KDM4C: variants seen among roughly 807,000 people sequenced by gnomAD.
KDM4C encodes lysine-specific demethylase 4C.
Under a neutral mutation model 129.3 loss-of-function variants are expected in KDM4C, and 81 were observed. That is an observed-to-expected ratio of 0.63 (90% confidence interval 0.52 to 0.75). KDM4C has a LOEUF of 0.75. KDM4C is among the 30% of genes least tolerant of loss of function. The probability of loss-of-function intolerance (pLI) is 0.00; values close to 1 mark genes in which losing one functional copy is unlikely to be tolerated. For synonymous variants in KDM4C, 573 were observed against 456.1 expected, an observed-to-expected ratio of 1.26 and a Z score of -3.26; for missense variants, 1,457 against 1,304.0, an observed-to-expected ratio of 1.12 and a Z score of -1.81.
At chr9:7,140,039 AT>A (rs1249971258) in intron 19 of KDM4C, among the ~76,000 whole-genome samples, 1 of 152,242 alleles carries the variant, frequency 6.6e-6, no homozygotes, top group African/African-American at 2.4e-5. Context: ...ATACACTGAC[AT>A]ACTTCTGGGG....
intron 8 of KDM4C, among the ~76,000 whole-genome samples, chr9:6,964,644 T>C (rs1023152135): frequency 4.0e-5 from 6 of 151,412 alleles, no homozygotes; most frequent in African/African-American, 1.2e-4. Flanking sequence ...TAGCCGGGTG[T>C]GGTGGTGGGC....
chr9:7,136,462 TAC>T (rs1841217080), intron 19 of KDM4C, among the ~76,000 whole-genome samples: 1 of 152,228 alleles, frequency 6.6e-6, no homozygotes, highest in Non-Finnish European at 1.5e-5. Flanking sequence ...CATTTGAGGT[TAC>T]AGTTTCTTCA....
chr9:6,826,683 T>C (rs1564102385), intron 4 of KDM4C, among the ~76,000 whole-genome samples: 2 of 152,034 alleles, frequency 1.3e-5, no homozygotes, highest in African/African-American at 4.8e-5. Context: ...CTGGTCAACA[T>C]TGTGAAACCC....
intron 20 of KDM4C, 78 bp downstream of exon 20, chr9:7,165,435 C>A: frequency 6.7e-7 from 1 of 1,491,594 alleles, no homozygotes; most frequent in Non-Finnish European, 9.1e-7. Flanking sequence ...AAGTGTGCTG[C>A]TGAACAATAA....
At chr9:7,119,852 T>A (rs1761233153) in intron 18 of KDM4C, among the ~76,000 whole-genome samples, 1 of 152,116 alleles carries the variant, frequency 6.6e-6, no homozygotes, top group South Asian at 2.1e-4. Flanking sequence ...CATTTTCTTT[T>A]CTGGAGGGCC....
intron 8 of KDM4C, among the ~76,000 whole-genome samples, chr9:6,918,455 T>C (rs557867549): frequency 1.3e-5 from 2 of 152,330 alleles, no homozygotes; most frequent in Admixed American, 6.5e-5. Context: ...ATGTTTTTGC[T>C]ATTGTGAATA....
At chr9:6,854,794 A>G (rs755010594) in intron 5 of KDM4C, among the ~76,000 whole-genome samples, 27 of 152,204 alleles carry the variant, frequency 1.8e-4, no homozygotes, top group Non-Finnish European at 3.4e-4. Flanking sequence ...CATTAGTTCA[A>G]TGCTTTCTCA....
chr9:6,860,761 CCATGTGTTACTTGGAATGT>C (rs1254280226), intron 5 of KDM4C, among the ~76,000 whole-genome samples: 1 of 152,078 alleles, frequency 6.6e-6, no homozygotes, highest in Admixed American at 6.6e-5. Flanking sequence ...GTGTGTTTTT[CCATGTGTTACTTGGAATGT>C]ATTTTAATTC....
intron 8 of KDM4C, among the ~76,000 whole-genome samples, chr9:6,980,644 G>A (rs1378847155): frequency 2.0e-5 from 3 of 152,004 alleles, no homozygotes; most frequent in African/African-American, 7.2e-5. Flanking sequence ...CATTGCAGGC[G>A]TGCTTCCAAA....
At chr9:6,858,258 A>G (rs1813916071) in intron 5 of KDM4C, among the ~76,000 whole-genome samples, 1 of 96,258 alleles carries the variant, frequency 1.0e-5, no homozygotes, top group Admixed American at 1.3e-4. Flanking sequence ...CCAAATTTGC[A>G]TATTAATGAA....
intron 17 of KDM4C, among the ~76,000 whole-genome samples, chr9:7,091,061 C>A (rs1299785236): frequency 6.6e-6 from 1 of 152,018 alleles, no homozygotes; most frequent in African/African-American, 2.4e-5. Flanking sequence ...TTGAGGAAAA[C>A]CCCCCCAAAA....
At chr9:7,138,860 A>G (rs1303919982) in intron 19 of KDM4C, among the ~76,000 whole-genome samples, 1 of 152,166 alleles carries the variant, frequency 6.6e-6, no homozygotes, top group African/African-American at 2.4e-5. Context: ...TAGATTTATG[A>G]CTAACAAATC....
chr9:7,101,598 TC>T (rs1398239114), intron 17 of KDM4C, among the ~76,000 whole-genome samples: 4 of 152,240 alleles, frequency 2.6e-5, no homozygotes, highest in African/African-American at 9.6e-5. Context: ...CTTCTGGTCC[TC>T]CTGGAATAGG....
At position 6,799,439 on chromosome 9, in the gene KDM4C, T is replaced by C. The variant is rs973908189; in HGVS notation, c.145-6160T>C. ...AACCAGTCAGGAGTGGCGGCGCGCG[T>C]CTGCAATCGCAGGCACTCTGCAGGC... On this transcript the variant is annotated intron_variant, in intron 2 of 21. Transcript: ENST00000381309. 5.3e-4 allele frequency among the ~76,000 whole-genome samples: 81 copies of C among 152,102 alleles called. 1 individual carries two copies. The highest frequency in any genetic ancestry group is 6.8e-4 in the Non-Finnish European group (46 of 67,970).
At chr9:6,979,661 A>C (rs1027463187) in intron 8 of KDM4C, among the ~76,000 whole-genome samples, 2 of 152,196 alleles carry the variant, frequency 1.3e-5, no homozygotes, top group Admixed American at 1.3e-4. Context: ...AGACGAAAGT[A>C]ACAGCTATAA....
chr9:6,787,871 T>C (rs1204269323), intron 1 of KDM4C, among the ~76,000 whole-genome samples: 1 of 152,240 alleles, frequency 6.6e-6, no homozygotes, highest in Non-Finnish European at 1.5e-5. Context: ...TACCAAGAAC[T>C]GGATAACTAA....
chr9:7,063,924 C>T (rs921675993), intron 17 of KDM4C, among the ~76,000 whole-genome samples: 4 of 152,174 alleles, frequency 2.6e-5, no homozygotes, highest in Non-Finnish European at 4.4e-5. Context: ...CTCTGAGTCT[C>T]AAGAAGTTCT....
chr9:7,061,515 T>G (rs1468354378), intron 17 of KDM4C, among the ~76,000 whole-genome samples: 1 of 150,412 alleles, frequency 6.6e-6, no homozygotes, highest in Non-Finnish European at 1.5e-5. Flanking sequence ...ATAGTTAACT[T>G]GAAATATTAT....
chr9:6,987,941 C>G (rs7875415), intron 11 of KDM4C, among the ~76,000 whole-genome samples: 2 of 150,984 alleles, frequency 1.3e-5, no homozygotes, highest in Non-Finnish European at 2.9e-5. Flanking sequence ...AGGATCCCCT[C>G]GAGCCCAGAG....
Sources: gnomAD v4.1 joint callset for allele counts (sites outside exome capture counted in the v4.1 genomes callset) on GRCh38, gnomAD v4.1.1 for gene constraint, MANE v1.5 for transcripts, NCBI Gene and HGNC (gene_info 2026-07-23, HGNC 2026-07-21) for gene names.